TBCD: variants seen among roughly 807,000 people sequenced by gnomAD.
TBCD encodes the protein tubulin-specific chaperone D.
Under a neutral mutation model 169.3 loss-of-function variants are expected in TBCD, and 105 were observed. That is an observed-to-expected ratio of 0.62 (90% CI 0.53 to 0.73). The LOEUF is 0.73. Among genes scored for constraint, TBCD ranks in the 30% least tolerant of loss-of-function variants. The probability of loss-of-function intolerance (pLI) is 0.00; values close to 1 mark genes in which losing one functional copy is unlikely to be tolerated. For synonymous variants in TBCD, 700 were observed against 643.9 expected (o/e 1.09, Z -1.32); for missense variants, 1,444 against 1,600.1 (o/e 0.90, Z 1.66).
chr17:82,936,709 TGA>T (rs2062662445), intron 34 of TBCD, among the ~76,000 whole-genome samples: 5 of 152,182 alleles, frequency 3.3e-5, no homozygotes, highest in African/African-American at 7.2e-5. Flanking sequence ...CATTCCCCAC[TGA>T]GAGAGGGAGG....
intron 14 of TBCD, among the ~76,000 whole-genome samples, chr17:82,873,217 G>A (rs961113234): frequency 3.3e-5 from 5 of 152,212 alleles, no homozygotes; most frequent in African/African-American, 1.2e-4. Context: ...CTCATATTTT[G>A]TCTAAGAGCT....
At position 82,890,040 on chromosome 17, in the gene TBCD, G is replaced by C. The variant is rs2059022545; in HGVS notation, c.1563+343G>C. 6.6e-6 allele frequency among the ~76,000 whole-genome samples: 1 copy of C among 152,228 alleles called. No homozygotes were observed. The highest frequency in any genetic ancestry group is 2.1e-4 in the South Asian group (1 of 4,830). ...CCCCGCCTCATCCCACACAGAGCAG[G>C]AGCTGGCTCTGTTGACGTCAGCTTG... On this transcript the variant is annotated intron_variant, in intron 16 of 38. Transcript: ENST00000355528. This position sits in a 1 kb window ranked among gnomAD's most constrained non-coding sequence, Gnocchi z 5.3.
intron 17 of TBCD, among the ~76,000 whole-genome samples, chr17:82,899,224 G>A (rs916076042): frequency 3.4e-5 from 5 of 145,220 alleles, no homozygotes; most frequent in African/African-American, 1.3e-4. Context: ...CTCAGCATGT[G>A]TCCTCAGCGC....
intron 22 of TBCD, among the ~76,000 whole-genome samples, chr17:82,911,197 A>G (rs146190123): frequency 0.014 from 2,163 of 152,250 alleles, 10 homozygotes; most frequent in Non-Finnish European, 0.02. Context: ...CCAGTTTTCT[A>G]CTTGCAGGAG....
At chr17:82,857,941 C>G (rs1018348871) in intron 13 of TBCD, among the ~76,000 whole-genome samples, 3 of 151,592 alleles carry the variant, frequency 2.0e-5, no homozygotes, top group Non-Finnish European at 4.4e-5. Flanking sequence ...GAAAAAGGGT[C>G]TTGCTGTGTC....
intron 24 of TBCD, chr17:82,921,072 G>A (rs1420155254): frequency 3.9e-6 from 1 of 253,308 alleles, no homozygotes; most frequent in Admixed American, 5.1e-5. Context: ...GGTGTCCCGG[G>A]GCTGTCTCAG....
At chr17:82,898,150 C>G (rs989221780) in intron 17 of TBCD, among the ~76,000 whole-genome samples, 5 of 150,190 alleles carry the variant, frequency 3.3e-5, no homozygotes, top group Non-Finnish European at 7.4e-5. Context: ...GAGCATTGAG[C>G]CCCCGTGGGT....
At chr17:82,786,532 G>C (rs753538855) in intron 7 of TBCD, among the ~76,000 whole-genome samples, 2 of 152,176 alleles carry the variant, frequency 1.3e-5, no homozygotes, top group African/African-American at 4.8e-5. Context: ...CTCCTCTGCC[G>C]TCCCCACCCC....
chr17:82,940,570 A>G (rs993724110), intron 37 of TBCD, among the ~76,000 whole-genome samples: 2 of 152,168 alleles, frequency 1.3e-5, no homozygotes, highest in Non-Finnish European at 2.9e-5. Flanking sequence ...GTGGCCTCGG[A>G]GGACAGAGGT....
In TBCD at chr17:82,832,547, G is replaced by A. The variant is rs1050654595; in HGVS notation, c.1318+17613G>A. On this transcript the variant is annotated intron_variant, in intron 13 of 38. Coordinates refer to ENST00000355528, the MANE Select transcript of TBCD (RefSeq NM_005993.5). This position sits in a 1 kb window ranked among gnomAD's most constrained non-coding sequence, Gnocchi z 4.9. ...CGTGGTTTCTAAAGAGGCACCTCCC[G>A]CTTTGCTTTCTTTCCCGATCACTTC... 6 of 1,158,108 alleles carry A rather than the reference G, an allele frequency of 5.2e-6. No homozygotes were observed. The East Asian group carries it at 9.5e-5, about 18-fold the overall frequency. 71.7% of individuals were successfully genotyped at this position (1,158,108 alleles called of 1,614,324 possible).
At chr17:82,798,743 C>G (rs1259406775) in intron 8 of TBCD, among the ~76,000 whole-genome samples, 1 of 125,056 alleles carries the variant, frequency 8.0e-6, no homozygotes, top group African/African-American at 3.0e-5. Flanking sequence ...TGCCTTCTTC[C>G]TAATTCTCTT....
At chr17:82,793,378 C>T (rs140894721) in intron 7 of TBCD, among the ~76,000 whole-genome samples, 2 of 152,344 alleles carry the variant, frequency 1.3e-5, no homozygotes, top group East Asian at 3.9e-4. Flanking sequence ...CTGTCTAGGG[C>T]AACTGCTGCT....
intron 13 of TBCD, among the ~76,000 whole-genome samples, chr17:82,816,624 C>T (rs544783088): frequency 1.3e-5 from 2 of 152,038 alleles, no homozygotes; most frequent in South Asian, 4.1e-4. Flanking sequence ...ATCTCTGCCT[C>T]CCAGGACCAG....
Position 82,881,624 on chromosome 17 carries a change from T to C in TBCD, c.1476-2521T>C, listed in dbSNP as rs543508063. 2.0e-5 allele frequency among the ~76,000 whole-genome samples: 3 copies of C among 152,336 alleles called. No individual in the cohort carries two copies. In the South Asian group the frequency reaches 6.2e-4, roughly 32 times the overall value. On this transcript the variant is annotated intron_variant, in intron 14 of 38. Coordinates refer to ENST00000355528, the MANE Select transcript of TBCD (RefSeq NM_005993.5). Reference sequence around the variant, plus strand: ...CTACGTGCCCTCCTGGCTTTGCCCATGGTTGGTGGCCGTGTTTTGGGCTGC... The same window carrying C: ...CTACGTGCCCTCCTGGCTTTGCCCACGGTTGGTGGCCGTGTTTTGGGCTGC...
intron 13 of TBCD, among the ~76,000 whole-genome samples, chr17:82,850,045 GTGC>G (rs2055568113): frequency 2.0e-5 from 2 of 98,332 alleles, no homozygotes; most frequent in African/African-American, 3.9e-5. Flanking sequence ...GTTGTTGGCT[GTGC>G]TGTTGTTGGC....
At chr17:82,844,801 C>T (rs1182561853) in intron 13 of TBCD, among the ~76,000 whole-genome samples, 1 of 152,210 alleles carries the variant, frequency 6.6e-6, no homozygotes, top group African/African-American at 2.4e-5. Flanking sequence ...ATCTTAGGAA[C>T]CGTCATGGGG....
rs1361091143 is a variant in TBCD at position 82,831,961 on chromosome 17, A to G, written c.1318+17027A>G. 49 of 1,613,836 alleles carry G rather than the reference A, an allele frequency of 3.0e-5. No homozygotes were observed. The highest frequency in any genetic ancestry group is 3.9e-5 in the Non-Finnish European group (46 of 1,179,820). On this transcript the variant is annotated intron_variant, in intron 13 of 38. Coordinates refer to ENST00000355528, the MANE Select transcript of TBCD (RefSeq NM_005993.5). The surrounding 1 kb of genome is among the most constrained non-coding windows in gnomAD (Gnocchi z 4.6). ...TGGCCCCTTGAGTCTGTGCTCGCCG[A>G]CTGGAACAAATGCAGAAGGCCGAGC...
intron 32 of TBCD, chr17:82,929,843 C>A (rs2380172): frequency 0.27 from 117,857 of 441,264 alleles, 16,403 homozygotes; most frequent in East Asian, 0.41. Flanking sequence ...GGTTCTAGAT[C>A]GGCCTCCGCC....
intron 7 of TBCD, among the ~76,000 whole-genome samples, chr17:82,783,560 G>T (rs2049095440): frequency 6.6e-6 from 1 of 152,114 alleles, no homozygotes; most frequent in African/African-American, 2.4e-5. Flanking sequence ...CTGTCCCTGT[G>T]GACTTGCTGG....
Sources: allele counts gnomAD v4.1 joint callset (sites outside exome capture counted in the v4.1 genomes callset), GRCh38; gene constraint gnomAD v4.1.1; non-coding constraint Gnocchi (gnomAD v3.1); transcripts MANE v1.5; gene names NCBI Gene and HGNC (gene_info 2026-07-23, HGNC 2026-07-21).